Variants in SH3KBP1 observed in about 807,000 individuals in gnomAD.
SH3KBP1 encodes SH3 domain-containing kinase-binding protein 1.
Under a neutral mutation model 50.1 loss-of-function variants are expected in SH3KBP1, and 8 were observed. That is an observed-to-expected ratio of 0.16 (90% confidence interval 0.09 to 0.29). The LOEUF (loss-of-function observed/expected upper bound fraction) is 0.29. Among genes scored for constraint, SH3KBP1 ranks in the 10% least tolerant of loss-of-function variants. The pLI is 1.00. For missense variants in SH3KBP1, 377 were observed against 535.2 expected (o/e 0.70, Z 2.92); for synonymous variants, 227 against 218.6 (o/e 1.04, Z -0.34).
intron 9 of SH3KBP1, among the ~76,000 whole-genome samples, chrX:19,607,662 T>C (rs1016059708): frequency 8.9e-6 from 1 of 111,818 alleles, no homozygotes; most frequent in Non-Finnish European, 1.9e-5. Flanking sequence ...CACAGTTTAT[T>C]TGGGTGCTGA....
At chrX:19,735,428 T>C (rs934380978) in intron 3 of SH3KBP1, among the ~76,000 whole-genome samples, 7 of 110,389 alleles carry the variant, frequency 6.3e-5, no homozygotes, top group African/African-American at 2.3e-4. Context: ...GTCTTCTTTT[T>C]GTACATAGGC....
chrX:19,764,233 A>G (rs907617099), intron 2 of SH3KBP1, among the ~76,000 whole-genome samples: 4 of 110,625 alleles, frequency 3.6e-5, no homozygotes, highest in African/African-American at 1.3e-4. Flanking sequence ...GGGGTGAGGA[A>G]GCATTTCAGA....
intron 9 of SH3KBP1, among the ~76,000 whole-genome samples, chrX:19,601,084 G>T (rs1162851873): frequency 1.8e-5 from 2 of 111,683 alleles, no homozygotes; most frequent in Non-Finnish European, 3.8e-5. Context: ...AGAGCCGAAT[G>T]CCTTCCATAG....
At chrX:19,618,981 A>C (rs1417611097) in intron 8 of SH3KBP1, among the ~76,000 whole-genome samples, 39 of 105,627 alleles carry the variant, frequency 3.7e-4, no homozygotes, top group Non-Finnish European at 2.0e-4. Flanking sequence ...AACGAACAAA[A>C]AAAAAAAAAA....
At chrX:19,758,498 A>G (rs1340112916) in intron 2 of SH3KBP1, among the ~76,000 whole-genome samples, 1 of 111,179 alleles carries the variant, frequency 9.0e-6, no homozygotes, top group Non-Finnish European at 1.9e-5. Flanking sequence ...AAGTAAAAAG[A>G]GCTAAACAGT....
At chrX:19,574,481 A>C (rs956705367) in intron 12 of SH3KBP1, among the ~76,000 whole-genome samples, 1 of 112,911 alleles carries the variant, frequency 8.9e-6, no homozygotes, top group African/African-American at 3.2e-5. Flanking sequence ...TTTATTTCTT[A>C]CAGTTCTGGA....
intron 3 of SH3KBP1, among the ~76,000 whole-genome samples, chrX:19,727,758 G>A (rs1184028288): frequency 1.8e-5 from 2 of 112,331 alleles, no homozygotes; most frequent in Admixed American, 1.9e-4. Flanking sequence ...GGCCGAGGCA[G>A]GCAGATCACA....
chrX:19,849,417 G>A (rs771138683), intron 1 of SH3KBP1, among the ~76,000 whole-genome samples: 18 of 110,621 alleles, frequency 1.6e-4, no homozygotes, highest in Non-Finnish European at 3.4e-4. Context: ...GGCCAGGTGC[G>A]GTAGCTCACA....
intron 7 of SH3KBP1, among the ~76,000 whole-genome samples, chrX:19,637,791 T>TA (rs2061742137): frequency 1.8e-5 from 2 of 111,196 alleles, no homozygotes; most frequent in Non-Finnish European, 3.8e-5. Flanking sequence ...TTAAAAACCT[T>TA]AGTCTGGCCG....
chrX:19,693,428 G>A (rs2063345258), intron 5 of SH3KBP1, among the ~76,000 whole-genome samples: 1 of 111,851 alleles, frequency 8.9e-6, no homozygotes, highest in Non-Finnish European at 1.9e-5. Flanking sequence ...GTACATGCAG[G>A]AAGATTACAA....
intron 6 of SH3KBP1, among the ~76,000 whole-genome samples, chrX:19,649,906 G>A (rs1436794477): frequency 8.9e-6 from 1 of 112,475 alleles, no homozygotes; most frequent in East Asian, 2.8e-4. Flanking sequence ...CAGAACGTGA[G>A]ACCAAGATCC....
chrX:19,608,833 C>T (rs181276743), intron 8 of SH3KBP1, among the ~76,000 whole-genome samples: 9 of 112,288 alleles, frequency 8.0e-5, no homozygotes, highest in Admixed American at 5.6e-4. Context: ...TGCTCTCCTT[C>T]ACCTTCTCCT....
intron 2 of SH3KBP1, among the ~76,000 whole-genome samples, chrX:19,827,761 T>C (rs2067726150): frequency 9.4e-6 from 1 of 105,821 alleles, no homozygotes; most frequent in African/African-American, 3.5e-5. Context: ...GGTAGCAGTC[T>C]GAGGTCCCAG....
chrX:19,875,866 C>A (rs1391877033), intron 1 of SH3KBP1, among the ~76,000 whole-genome samples: 1 of 112,790 alleles, frequency 8.9e-6, no homozygotes, highest in Non-Finnish European at 1.9e-5. Context: ...AGCTGGCCCA[C>A]ACCTAGCTCC....
intron 9 of SH3KBP1, among the ~76,000 whole-genome samples, chrX:19,605,433 G>A (rs940542152): frequency 8.9e-6 from 1 of 111,993 alleles, no homozygotes; most frequent in African/African-American, 3.2e-5. Context: ...GGTGGCAAAT[G>A]TCTAGTAAGA....
chrX:19,760,425 C>A (rs1484595132), intron 2 of SH3KBP1, among the ~76,000 whole-genome samples: 3 of 108,460 alleles, frequency 2.8e-5, no homozygotes, highest in Admixed American at 1.0e-4. Flanking sequence ...TACATACATA[C>A]ATACATACAT....
intron 3 of SH3KBP1, among the ~76,000 whole-genome samples, chrX:19,733,775 TA>T (rs1055980472): frequency 2.9e-4 from 29 of 101,722 alleles, no homozygotes; most frequent in African/African-American, 3.2e-4. Context: ...CACCAACCAG[TA>T]AAAAAAAAAA....
At chrX:19,618,016 G>A (rs1363308247) in intron 8 of SH3KBP1, among the ~76,000 whole-genome samples, 1 of 111,781 alleles carries the variant, frequency 8.9e-6, no homozygotes, top group Non-Finnish European at 1.9e-5. Context: ...AGGCCCATGG[G>A]GATTTTCATA....
chrX:19,679,807 T>C (rs2063004933), intron 6 of SH3KBP1, among the ~76,000 whole-genome samples: 1 of 112,278 alleles, frequency 8.9e-6, no homozygotes, highest in Admixed American at 9.4e-5. Context: ...CAGCTGTAAA[T>C]ATTTCAGTTA....
Sources: gnomAD v4.1 joint callset for allele counts (sites outside exome capture counted in the v4.1 genomes callset) on GRCh38, gnomAD v4.1.1 for gene constraint, MANE v1.5 for transcripts, NCBI Gene and HGNC (gene_info 2026-07-23, HGNC 2026-07-21) for gene names.